Variants in PLOD2 observed in about 807,000 individuals in gnomAD.
PLOD2 encodes procollagen-lysine,2-oxoglutarate 5-dioxygenase 2.
In PLOD2, 65 loss-of-function variants were observed where a neutral mutation model predicts 101.0. The ratio of observed to expected loss-of-function variants is 0.64; its 90% CI spans 0.53 to 0.79. PLOD2 has a LOEUF of 0.79. Ranked by LOEUF, PLOD2 falls within the 30% of genes least tolerant of loss-of-function variation. PLOD2 has a pLI of 0.00. For synonymous variants in PLOD2, 314 were observed against 302.9 expected (o/e 1.04, Z -0.38); for missense variants, 909 against 914.6 (o/e 0.99, Z 0.08).
chr3:146,143,089 T>A (rs1165405385), intron 1 of PLOD2, among the ~76,000 whole-genome samples: 1 of 152,104 alleles, frequency 6.6e-6, no homozygotes, highest in African/African-American at 2.4e-5. Flanking sequence ...CAGCAGCTAT[T>A]TTGGCCTACT....
chr3:146,132,251 A>G (rs2030958678), intron 1 of PLOD2, among the ~76,000 whole-genome samples: 1 of 152,192 alleles, frequency 6.6e-6, no homozygotes, highest in African/African-American at 2.4e-5. Flanking sequence ...TAAAACTGGA[A>G]AAGTCCTAGG....
At chr3:146,158,780 T>C (rs1320622372) in intron 1 of PLOD2, among the ~76,000 whole-genome samples, 2 of 151,982 alleles carry the variant, frequency 1.3e-5, no homozygotes, top group Non-Finnish European at 2.9e-5. Context: ...AGCAAAGAAG[T>C]GTCTGGCTCA....
intron 1 of PLOD2, among the ~76,000 whole-genome samples, chr3:146,127,453 A>G (rs1382600558): frequency 1.3e-5 from 2 of 152,096 alleles, no homozygotes; most frequent in Non-Finnish European, 2.9e-5. Flanking sequence ...GTTAGCTCAC[A>G]TAGGATAATG....
At chr3:146,137,992 C>T (rs1576622791) in intron 1 of PLOD2, among the ~76,000 whole-genome samples, 1 of 151,978 alleles carries the variant, frequency 6.6e-6, no homozygotes, top group African/African-American at 2.4e-5. Context: ...GAATATTTTG[C>T]TAGTCAGAAA....
intron 3 of PLOD2, among the ~76,000 whole-genome samples, chr3:146,120,547 A>G (rs899863866): frequency 5.9e-5 from 9 of 152,228 alleles, no homozygotes; most frequent in African/African-American, 1.9e-4. Context: ...ACCATTCAGG[A>G]CATAGGCATG....
intron 7 of PLOD2, among the ~76,000 whole-genome samples, chr3:146,092,290 A>T (rs1937002033): frequency 6.6e-6 from 1 of 152,038 alleles, no homozygotes; most frequent in South Asian, 2.1e-4. Flanking sequence ...AATAAGATAA[A>T]CCTGTTTAAA....
At chr3:146,086,981 T>C (rs1462419013) in intron 9 of PLOD2, 73 bp from the exon 10 acceptor site, 2 of 839,220 alleles carry the variant, frequency 2.4e-6, no homozygotes, top group Non-Finnish European at 3.7e-6. Flanking sequence ...TATTAGAGAG[T>C]GCTTCACATT....
intron 1 of PLOD2, among the ~76,000 whole-genome samples, chr3:146,144,007 C>G (rs1310877293): frequency 6.6e-6 from 1 of 152,002 alleles, no homozygotes; most frequent in African/African-American, 2.4e-5. Context: ...CAGCTAAGAG[C>G]GTTTATACTG....
chr3:146,138,986 T>G (rs1441641355), intron 1 of PLOD2, among the ~76,000 whole-genome samples: 1 of 152,146 alleles, frequency 6.6e-6, no homozygotes, highest in Admixed American at 6.5e-5. Context: ...TATGCAATAC[T>G]GCATCTCATA....
At chr3:146,096,233 G>C (rs1360755247) in intron 7 of PLOD2, among the ~76,000 whole-genome samples, 1 of 123,556 alleles carries the variant, frequency 8.1e-6, no homozygotes, top group Admixed American at 8.1e-5. Flanking sequence ...ATCTCGGCTC[G>C]CTACAACCAC....
chr3:146,096,177 G>A (rs1421863427), intron 7 of PLOD2, among the ~76,000 whole-genome samples: 2 of 146,238 alleles, frequency 1.4e-5, no homozygotes, highest in South Asian at 2.2e-4. Context: ...ATGGAGTCTC[G>A]TTCACTCAGT....
intron 2 of PLOD2, among the ~76,000 whole-genome samples, chr3:146,122,321 G>A (rs2030217343): frequency 1.3e-5 from 2 of 152,076 alleles, no homozygotes; most frequent in African/African-American, 4.8e-5. Context: ...CTAAAAATTG[G>A]CCTCCTCTGG....
intron 5 of PLOD2, among the ~76,000 whole-genome samples, chr3:146,105,921 G>A (rs907139460): frequency 2.0e-5 from 3 of 152,158 alleles, no homozygotes; most frequent in Non-Finnish European, 2.9e-5. Flanking sequence ...GGTATCAAAT[G>A]GCTTTGGTGT....
chr3:146,113,609 T>C (rs776537955), intron 3 of PLOD2, among the ~76,000 whole-genome samples: 23 of 152,232 alleles, frequency 1.5e-4, no homozygotes, highest in Non-Finnish European at 2.4e-4. Context: ...CATTTATCAC[T>C]TCCCTAATCA....
intron 1 of PLOD2, among the ~76,000 whole-genome samples, chr3:146,136,393 C>T (rs2031230466): frequency 6.6e-6 from 1 of 152,102 alleles, no homozygotes; most frequent in Admixed American, 6.6e-5. Context: ...TACACCTGAC[C>T]TAATGTGAGG....
At chr3:146,160,819 G>A (rs2032539434) in intron 1 of PLOD2, 62 bp downstream of exon 1, 34 of 1,052,440 alleles carry the variant, frequency 3.2e-5, no homozygotes, top group Non-Finnish European at 4.9e-5. Flanking sequence ...GCTGGTGGAT[G>A]AATGAACTGC....
chr3:146,097,126 TG>T (rs1338428695), intron 7 of PLOD2, among the ~76,000 whole-genome samples: 2 of 109,370 alleles, frequency 1.8e-5, no homozygotes, highest in African/African-American at 3.9e-5. Context: ...AGGAGGGAGG[TG>T]GGGGGGTCAG....
chr3:146,081,990 T>C, intron 11 of PLOD2, 127 bp from the exon 12 acceptor site: 1 of 607,282 alleles, frequency 1.6e-6, no homozygotes, highest in Non-Finnish European at 2.6e-6. Flanking sequence ...TCAACAAACC[T>C]GTAGTTAATA....
chr3:146,070,105 A>C lies in PLOD2; in HGVS notation c.*612T>G, dbSNP rs1936069353. The C allele has an allele frequency of 6.6e-6, 1 of 151,898 alleles. No homozygotes were observed. The highest frequency in any genetic ancestry group is 2.4e-5 in the African/African-American group (1 of 41,404). The allele number at this position is 151,898 out of a possible 1,614,324, so 9.4% of individuals were successfully genotyped here. ...TATAAAATAATCTGCCTTCCAATCA[A>C]AACAAAAATGTTTTCAACTGTATAC... On this transcript the variant is annotated 3_prime_UTR_variant, in exon 20 of 20. Transcript: ENST00000282903.
Sources: gnomAD v4.1 joint callset for allele counts (sites outside exome capture counted in the v4.1 genomes callset) on GRCh38, gnomAD v4.1.1 for gene constraint, MANE v1.5 for transcripts, NCBI Gene and HGNC (gene_info 2026-07-23, HGNC 2026-07-21) for gene names.